The following ARHGEF10 variants were observed in gnomAD, a reference collection of about 807,000 sequenced individuals.
ARHGEF10 encodes the protein Rho guanine nucleotide exchange factor (GEF) 10.
A neutral mutation model predicts 147.4 loss-of-function variants in ARHGEF10; 140 were observed. The ratio of observed to expected loss-of-function variants is 0.95; its 90% CI spans 0.83 to 1.09. The LOEUF is 1.09. Among genes scored for constraint, ARHGEF10 ranks in the 50% least tolerant of loss-of-function variants. The pLI is 0.00. For synonymous variants in ARHGEF10, 902 were observed against 695.8 expected (o/e 1.30, Z -4.67); for missense variants, 2,222 against 1,752.7 (o/e 1.27, Z -4.78).
intron 26 of ARHGEF10, among the ~76,000 whole-genome samples, chr8:1,938,529 C>T (rs1215372106): frequency 6.6e-6 from 1 of 152,102 alleles, no homozygotes; most frequent in Admixed American, 6.6e-5. Context: ...ATAAAATAGG[C>T]GAGATATTAA....
intron 1 of ARHGEF10, among the ~76,000 whole-genome samples, chr8:1,840,690 CTTTGAGG>C (rs2129048355): frequency 7.8e-6 from 1 of 128,546 alleles, no homozygotes; most frequent in East Asian, 2.3e-4. Flanking sequence ...CTGCACTTGT[CTTTGAGG>C]TTTCCTCCCA....
intron 17 of ARHGEF10, among the ~76,000 whole-genome samples, chr8:1,907,598 C>G (rs2280887): frequency 0.25 from 38,100 of 152,090 alleles, 5,588 homozygotes; most frequent in African/African-American, 0.41. Context: ...GTTTTAAGTA[C>G]GTTTAAAATT....
At chr8:1,874,200 C>T (rs1044373619) in intron 7 of ARHGEF10, among the ~76,000 whole-genome samples, 5 of 152,170 alleles carry the variant, frequency 3.3e-5, no homozygotes, top group East Asian at 1.9e-4. Flanking sequence ...TTGGAAGTTC[C>T]GTGTTTGCTG....
chr8:1,953,218 CGGG>C lies in ARHGEF10; in HGVS notation c.3520+392_3520+394del, dbSNP rs1563335826. ...TATTTTATGTTGTGAAGAAGGAAGC[CGGG>C]ATCTCCGTCGTTCCTTTCTGTATTT... is the stretch of plus-strand genomic sequence containing the variant. On this transcript the variant is annotated intron_variant, in intron 28 of 28. Coordinates refer to ENST00000349830, the MANE Select transcript of ARHGEF10 (RefSeq NM_014629.4). Among the ~76,000 whole-genome samples, 19 of 137,308 alleles carry C rather than the reference CGGG, an allele frequency of 1.4e-4. 1 individual carries two copies. In the South Asian group the frequency reaches 1.9e-3, roughly 14 times the overall value. The allele number at this position is 137,308 out of a possible 152,430, so 90.1% of individuals were successfully genotyped here.
Position 1,866,449 on chromosome 8 carries a change from A to C in ARHGEF10, c.546-77A>C, listed in dbSNP as rs899500339. 3.9e-6 allele frequency: 4 copies of C among 1,029,184 alleles called. No individual in the cohort carries two copies. The Admixed American group carries it at 5.2e-5, about 13-fold the overall frequency. The allele number at this position is 1,029,184 out of a possible 1,614,324, so 63.8% of individuals were successfully genotyped here. ...CACACACACACACACACACACACAC[A>C]CTCTGCAGGGCAGTTGGCATCCTAG... is the stretch of plus-strand genomic sequence containing the variant. On this transcript the variant is annotated intron_variant, in intron 5 of 28. Coordinates refer to ENST00000349830, the MANE Select transcript of ARHGEF10 (RefSeq NM_014629.4).
chr8:1,865,037 T>C (rs894959799), intron 5 of ARHGEF10, among the ~76,000 whole-genome samples: 3 of 152,264 alleles, frequency 2.0e-5, no homozygotes, highest in Non-Finnish European at 4.4e-5. Flanking sequence ...AAACCTTAAA[T>C]GATCTTCAAA....
At chr8:1,869,774 G>T in intron 7 of ARHGEF10, 1 of 202,972 alleles carries the variant, frequency 4.9e-6, no homozygotes. Context: ...AGCAACTGGA[G>T]AGAAAACATG....
rs1006251822 is a variant in ARHGEF10 at position 1,915,667 on chromosome 8, C to T, written c.2143+6197C>T. ...CGTCACTGTGTCTGTTTATATCTCCCGTTACCTCAGGGACAAACACTGGTG... is the reference window on the plus strand; with the variant it reads ...CGTCACTGTGTCTGTTTATATCTCCTGTTACCTCAGGGACAAACACTGGTG... On this transcript the variant is annotated intron_variant, in intron 18 of 28. Coordinates refer to ENST00000349830, the MANE Select transcript of ARHGEF10 (RefSeq NM_014629.4). 1.7e-4 allele frequency among the ~76,000 whole-genome samples: 26 copies of T among 152,234 alleles called. No individual in the cohort carries two copies. The East Asian group carries it at 3.5e-3, about 20-fold the overall frequency.
intron 1 of ARHGEF10, among the ~76,000 whole-genome samples, chr8:1,829,127 C>T (rs781575005): frequency 5.3e-5 from 8 of 152,268 alleles, no homozygotes; most frequent in South Asian, 2.1e-4. Flanking sequence ...CGCTCCCCGC[C>T]TGCACAGTTG....
chr8:1,876,055 A>G (rs1807671459), intron 7 of ARHGEF10: 1 of 166,848 alleles, frequency 6.0e-6, no homozygotes, highest in Non-Finnish European at 1.3e-5. Context: ...AGCATTGAAA[A>G]TTTAAAAATC....
chr8:1,952,066 C>T (rs1205300035), intron 27 of ARHGEF10, among the ~76,000 whole-genome samples: 3 of 152,236 alleles, frequency 2.0e-5, no homozygotes, highest in Non-Finnish European at 4.4e-5. Flanking sequence ...AGATCCTTGG[C>T]TGTAAAGCAA....
intron 26 of ARHGEF10, among the ~76,000 whole-genome samples, chr8:1,934,362 A>AC (rs1813402271): frequency 6.6e-6 from 1 of 151,464 alleles, no homozygotes; most frequent in Admixed American, 6.6e-5. Flanking sequence ...TCCAAAAAAA[A>AC]AAAAAAAAAA....
At chr8:1,902,348 C>T (rs1282934621) in intron 15 of ARHGEF10, among the ~76,000 whole-genome samples, 1 of 152,158 alleles carries the variant, frequency 6.6e-6, no homozygotes, top group Non-Finnish European at 1.5e-5. Context: ...ACAGAAATGT[C>T]CTTTTGTTAC....
At chr8:1,913,554 T>C (rs896701892) in intron 18 of ARHGEF10, among the ~76,000 whole-genome samples, 5 of 152,228 alleles carry the variant, frequency 3.3e-5, no homozygotes, top group Non-Finnish European at 4.4e-5. Context: ...CGGAACAGGA[T>C]TGGCCTCTGA....
chr8:1,905,778 C>T (rs1289588657), intron 17 of ARHGEF10, 62 bp downstream of exon 17: 1 of 1,589,912 alleles, frequency 6.3e-7, no homozygotes, highest in Admixed American at 1.7e-5. Context: ...TGCCTAAGGG[C>T]ACATGCATGA....
intron 26 of ARHGEF10, among the ~76,000 whole-genome samples, chr8:1,941,025 G>A (rs999273917): frequency 3.9e-5 from 6 of 152,164 alleles, no homozygotes; most frequent in East Asian, 1.9e-4. Flanking sequence ...CATACTTTAT[G>A]GTTAAAGAAG....
intron 11 of ARHGEF10, among the ~76,000 whole-genome samples, chr8:1,889,604 G>A (rs566392140): frequency 0.012 from 510 of 43,542 alleles, 4 homozygotes; most frequent in East Asian, 0.071. Context: ...GAGACACTGA[G>A]TGTGGGTGAG....
At chr8:1,905,339 C>T (rs1563263778) in intron 16 of ARHGEF10, among the ~76,000 whole-genome samples, 1 of 152,164 alleles carries the variant, frequency 6.6e-6, no homozygotes, top group Non-Finnish European at 1.5e-5. Context: ...TCCTTGCATT[C>T]CTCACCGTTC....
intron 18 of ARHGEF10, among the ~76,000 whole-genome samples, chr8:1,918,486 G>A (rs972629290): frequency 6.6e-6 from 1 of 151,640 alleles, no homozygotes; most frequent in Non-Finnish European, 1.5e-5. Flanking sequence ...GTGTGTGTGT[G>A]TGTGTGTGTG....
Sources: allele counts gnomAD v4.1 joint callset (sites outside exome capture counted in the v4.1 genomes callset), GRCh38; gene constraint gnomAD v4.1.1; transcripts MANE v1.5; gene names NCBI Gene and HGNC (gene_info 2026-07-23, HGNC 2026-07-21).